Variants in FDFT1 observed in about 807,000 individuals in gnomAD.
FDFT1 encodes the protein farnesyl-diphosphate farnesyltransferase 1.
In FDFT1, 68 loss-of-function variants were observed where a neutral mutation model predicts 46.8. That is an observed-to-expected ratio of 1.45 (90% CI 1.19 to 1.78). The LOEUF (loss-of-function observed/expected upper bound fraction) is 1.78, where lower values mean the gene tolerates loss of function less well. Among genes scored for constraint, FDFT1 ranks in the 40% most tolerant of loss-of-function variants. FDFT1 has a pLI of 0.00. For synonymous variants in FDFT1, 351 were observed against 185.1 expected, an observed-to-expected ratio of 1.90 and a Z score of -7.28; for missense variants, 928 against 524.4, an observed-to-expected ratio of 1.77 and a Z score of -7.52.
At chr8:11,821,671 C>T in intron 3 of FDFT1, 79 bp from the exon 4 acceptor site, 2 of 1,503,502 alleles carry the variant, frequency 1.3e-6, no homozygotes, top group Non-Finnish European at 1.8e-6. Flanking sequence ...ATTAATTCCG[C>T]CATTGTTTGC....
chr8:11,808,270 G>C, intron 1 of FDFT1: 1 of 1,216,074 alleles, frequency 8.2e-7, no homozygotes, highest in Non-Finnish European at 1.0e-6. Context: ...GAGGACGAGC[G>C]AGCCGCTCGG....
chr8:11,811,073 C>T (rs1410612598), intron 3 of FDFT1, among the ~76,000 whole-genome samples: 2 of 151,886 alleles, frequency 1.3e-5, no homozygotes, highest in African/African-American at 4.8e-5. Flanking sequence ...AAGAAAATAG[C>T]TGAAGAATAA....
intron 7 of FDFT1, among the ~76,000 whole-genome samples, chr8:11,832,566 A>AAAAAAAAAAAAAAC (rs1810958916): frequency 6.7e-6 from 1 of 148,936 alleles, no homozygotes; most frequent in Non-Finnish European, 1.5e-5. Flanking sequence ...AAAAAAAAAA[A>AAAAAAAAAAAAAAC]AAAAAAAAAA....
At chr8:11,811,496 G>A (rs577869392) in intron 3 of FDFT1, among the ~76,000 whole-genome samples, 2 of 152,320 alleles carry the variant, frequency 1.3e-5, no homozygotes, top group African/African-American at 4.8e-5. Context: ...GAATATGAAA[G>A]TGTGTGAATG....
In FDFT1 at chr8:11,830,139, C is replaced by T; in HGVS notation, c.703-105C>T. The T allele has an allele frequency of 2.1e-6, 2 of 970,154 alleles. 1 individual carries two copies. Among genetic ancestry groups the T allele is most frequent in the Non-Finnish European group, 3.3e-6 (2 of 611,106 alleles). 60.1% of individuals were successfully genotyped at this position (970,154 alleles called of 1,614,324 possible). On this transcript the variant is annotated intron_variant, in intron 5 of 7. Coordinates refer to ENST00000220584, the MANE Select transcript of FDFT1 (RefSeq NM_004462.5). Reference sequence around the variant, plus strand: ...GGGATTACAGGCGTGAGCCACGGCGCCCAGCCTGTATCATAGTTCTTATGC... The same window carrying T: ...GGGATTACAGGCGTGAGCCACGGCGTCCAGCCTGTATCATAGTTCTTATGC...
In FDFT1 at chr8:11,821,102, A is replaced by G. The variant is rs574974174; in HGVS notation, c.382-648A>G. Among the ~76,000 whole-genome samples, 8 of 152,318 alleles carry G rather than the reference A, an allele frequency of 5.3e-5. No homozygotes were observed. In the East Asian group the frequency reaches 1.5e-3, roughly 29 times the overall value. On this transcript the variant is annotated intron_variant, in intron 3 of 7. Transcript: ENST00000220584. ...GGAAGTGCTTGATCCATGTTTGCAC[A>G]AATGAATCTTTCTCATAATGAGGTT...
At chr8:11,801,710 T>TTTG, upstream of FDFT1, 2 of 251,304 alleles carry the variant, frequency 8.0e-6, no homozygotes, top group South Asian at 6.8e-5. Context: ...TTTTTTTTTT[T>TTTG]GGAGACGTAG....
chr8:11,818,168 G>A (rs1257739266), intron 3 of FDFT1, among the ~76,000 whole-genome samples: 1 of 152,204 alleles, frequency 6.6e-6, no homozygotes, highest in Non-Finnish European at 1.5e-5. Flanking sequence ...TAGATGTGTG[G>A]TTTTGAGTGA....
At chr8:11,816,620 C>G (rs563783591) in intron 3 of FDFT1, among the ~76,000 whole-genome samples, 5 of 152,198 alleles carry the variant, frequency 3.3e-5, no homozygotes, top group African/African-American at 9.6e-5. Context: ...GTTGTATTCT[C>G]TTTGTAGCTA....
chr8:11,797,239 T>G (rs1805648944), upstream of FDFT1, among the ~76,000 whole-genome samples: 1 of 152,152 alleles, frequency 6.6e-6, no homozygotes, highest in Non-Finnish European at 1.5e-5. Context: ...GCCTTCTATC[T>G]CATTTTGAGT....
chr8:11,806,120 G>C (rs571842793), intron 1 of FDFT1, among the ~76,000 whole-genome samples: 16 of 152,174 alleles, frequency 1.1e-4, no homozygotes, highest in African/African-American at 3.6e-4. Flanking sequence ...GGAACTTTCA[G>C]CCTGAGGCTG....
rs368991167 is a variant in FDFT1, at chr8:11,838,390, T to C, written c.1035T>C (p.Ile345=). The change falls in exon 8 of 8, where the codon ATT becomes ATC. Residue 345 remains isoleucine (I), a splice_region_variant and synonymous_variant. Coordinates refer to ENST00000220584, the MANE Select transcript of FDFT1 (RefSeq NM_004462.5). The part of the protein sequence containing the change: ...KAIIYQYMEE[I]YHRIPDSDPS... ...ATTTTTTCCTGTGTCTTTAACAGAT[T>C]TATCATAGAATCCCCGACTCAGACC... 1 of 1,612,828 alleles carries C rather than the reference T, an allele frequency of 6.2e-7. No individual in the cohort carries two copies. The highest frequency in any genetic ancestry group is 8.5e-7 in the Non-Finnish European group (1 of 1,178,838).
At chr8:11,802,489 A>G (rs1309816877), upstream of FDFT1, 7 of 488,470 alleles carry the variant, frequency 1.4e-5, no homozygotes, top group African/African-American at 3.9e-5. Flanking sequence ...CGGCTCCATC[A>G]GGGCACCAAT....
At chr8:11,810,163 A>G (rs1563304476) in intron 3 of FDFT1, among the ~76,000 whole-genome samples, 1 of 152,132 alleles carries the variant, frequency 6.6e-6, no homozygotes, top group Non-Finnish European at 1.5e-5. Flanking sequence ...AACGTAGGTA[A>G]TGCTCTTAGA....
intron 1 of FDFT1, among the ~76,000 whole-genome samples, chr8:11,804,186 C>T (rs984291604): frequency 4.6e-5 from 7 of 152,186 alleles, no homozygotes; most frequent in Admixed American, 3.9e-4. Context: ...TACAGTTTTT[C>T]ACGTGGAGAA....
At chr8:11,806,262 GAT>G (rs752876219) in intron 1 of FDFT1, among the ~76,000 whole-genome samples, 3 of 152,112 alleles carry the variant, frequency 2.0e-5, no homozygotes, top group Non-Finnish European at 4.4e-5. Flanking sequence ...GACTGCAATA[GAT>G]AAACCCAAGA....
Position 11,833,291 on chromosome 8 carries a change from C to A in FDFT1, c.1032+1621C>A, listed in dbSNP as rs575667438. ...ATCTCAGGGAAACTTGAGGCCCCAG[C>A]CTCATGGCTAGGGTCATAATTTGAA... On this transcript the variant is annotated intron_variant, in intron 7 of 7. Transcript: ENST00000220584. Among the ~76,000 whole-genome samples, 3 of 152,288 alleles carry A rather than the reference C, an allele frequency of 2.0e-5. No individual in the cohort carries two copies. In the East Asian group the frequency reaches 5.8e-4, roughly 29 times the overall value.
At chr8:11,808,576 T>A in intron 1 of FDFT1, 1 of 1,386,178 alleles carries the variant, frequency 7.2e-7, no homozygotes. Context: ...ACCTTGGTGC[T>A]GAGTCCCGCC....
chr8:11,812,248 A>G (rs1807818114), intron 3 of FDFT1, among the ~76,000 whole-genome samples: 1 of 152,182 alleles, frequency 6.6e-6, no homozygotes, highest in South Asian at 2.1e-4. Flanking sequence ...CCTTGCCCCA[A>G]ATCCCTGAGC....
Sources: allele counts gnomAD v4.1 joint callset (sites outside exome capture counted in the v4.1 genomes callset), GRCh38; gene constraint gnomAD v4.1.1; transcripts MANE v1.5; gene names NCBI Gene and HGNC (gene_info 2026-07-23, HGNC 2026-07-21).